The following NALF1 variants were observed in gnomAD, a reference collection of about 807,000 sequenced individuals.
The protein encoded by NALF1 is NALCN channel auxiliary factor 1.
In NALF1, 3 loss-of-function variants were observed where a neutral mutation model predicts 48.4. The ratio of observed to expected loss-of-function variants is 0.06; its 90% CI spans 0.03 to 0.16. The LOEUF is 0.16. Among genes scored for constraint, NALF1 ranks in the 10% least tolerant of loss-of-function variants. The pLI is 1.00. For synonymous variants in NALF1, 262 were observed against 245.7 expected, an observed-to-expected ratio of 1.07 and a Z score of -0.62; for missense variants, 526 against 571.5, an observed-to-expected ratio of 0.92 and a Z score of 0.81.
intron 1 of NALF1, among the ~76,000 whole-genome samples, chr13:107,361,924 A>G (rs1883068014): frequency 6.6e-6 from 1 of 152,180 alleles, no homozygotes; most frequent in Admixed American, 6.5e-5. Flanking sequence ...GGAGGCGTGA[A>G]GCATTTAAAA....
At chr13:107,196,674 A>T (rs1879399330) in intron 2 of NALF1, among the ~76,000 whole-genome samples, 1 of 152,158 alleles carries the variant, frequency 6.6e-6, no homozygotes, top group African/African-American at 2.4e-5. Context: ...ATGATAAAAC[A>T]GTGGTCTCCA....
chr13:107,517,052 A>G (rs1157523943), intron 1 of NALF1, among the ~76,000 whole-genome samples: 1 of 152,078 alleles, frequency 6.6e-6, no homozygotes, highest in Non-Finnish European at 1.5e-5. Flanking sequence ...GGTCCTTACT[A>G]TTTGTATATT....
intron 1 of NALF1, among the ~76,000 whole-genome samples, chr13:107,404,613 G>A (rs529972959): frequency 6.6e-6 from 1 of 152,036 alleles, no homozygotes; most frequent in South Asian, 2.1e-4. Flanking sequence ...AATACACAGA[G>A]ATGTCAGAGA....
chr13:107,735,051 T>G (rs1195021623), intron 1 of NALF1, among the ~76,000 whole-genome samples: 1 of 152,090 alleles, frequency 6.6e-6, no homozygotes. Flanking sequence ...AGAGCCTGCC[T>G]TCCCACCAAG....
At chr13:107,389,751 T>C (rs770584141) in intron 1 of NALF1, among the ~76,000 whole-genome samples, 1 of 152,156 alleles carries the variant, frequency 6.6e-6, no homozygotes, top group East Asian at 1.9e-4. Flanking sequence ...TCACTGAAGA[T>C]CCATTCTAAC....
At chr13:107,178,740 A>G (rs1227284660) in intron 2 of NALF1, among the ~76,000 whole-genome samples, 2 of 152,120 alleles carry the variant, frequency 1.3e-5, no homozygotes, top group East Asian at 3.9e-4. Context: ...TCAGGAGATC[A>G]AGACCATTCT....
rs752320518 is a variant in NALF1 at position 107,325,887 on chromosome 13, T to TATATAC, written c.916-115133_916-115132insGTATAT. 2.6e-3 allele frequency among the ~76,000 whole-genome samples: 155 copies of TATATAC among 58,810 alleles called. 1 individual carries two copies. The highest frequency in any genetic ancestry group is 6.0e-3 in the African/African-American group (113 of 18,966). 38.6% of individuals were successfully genotyped at this position (58,810 alleles called of 152,430 possible). On this transcript the variant is annotated intron_variant, in intron 1 of 2. Transcript: ENST00000375915. ...ATATATATATATATATATATATATA[T>TATATAC]ACACACACACACACACACACATATA... is the stretch of plus-strand genomic sequence containing the variant.
intron 1 of NALF1, among the ~76,000 whole-genome samples, chr13:107,483,313 T>C (rs2139062906): frequency 6.6e-6 from 1 of 152,328 alleles, no homozygotes; most frequent in East Asian, 1.9e-4. Context: ...CCTCATGTCT[T>C]ATATCTGAAA....
chr13:107,225,894 A>G (rs1880093322), intron 1 of NALF1, among the ~76,000 whole-genome samples: 1 of 152,066 alleles, frequency 6.6e-6, no homozygotes, highest in East Asian at 1.9e-4. Context: ...TTAGCTTATC[A>G]AGGAATGAAA....
chr13:107,675,885 A>G (rs1247143676), intron 1 of NALF1, among the ~76,000 whole-genome samples: 2 of 152,152 alleles, frequency 1.3e-5, no homozygotes, highest in East Asian at 1.9e-4. Context: ...CTTGGCTCCA[A>G]TTGAAGGTAT....
intron 1 of NALF1, among the ~76,000 whole-genome samples, chr13:107,643,006 G>A (rs1880202388): frequency 6.6e-6 from 1 of 152,028 alleles, no homozygotes; most frequent in Admixed American, 6.5e-5. Context: ...CACATATCAT[G>A]GAATAAGACA....
intron 1 of NALF1, among the ~76,000 whole-genome samples, chr13:107,637,965 T>C (rs1880031099): frequency 6.6e-6 from 1 of 151,792 alleles, no homozygotes; most frequent in Admixed American, 6.6e-5. Context: ...AACGTCACCA[T>C]GGTGAGTGCA....
intron 1 of NALF1, among the ~76,000 whole-genome samples, chr13:107,729,641 T>G (rs1876253572): frequency 6.6e-6 from 1 of 152,088 alleles, no homozygotes; most frequent in Non-Finnish European, 1.5e-5. Context: ...CACGCCCAGC[T>G]AATTTTTTTG....
intron 1 of NALF1, among the ~76,000 whole-genome samples, chr13:107,607,916 C>T (rs1879116182): frequency 6.6e-6 from 1 of 152,148 alleles, no homozygotes. Context: ...CCCTAATCTT[C>T]CTCTACAGAA....
chr13:107,511,391 G>A (rs1265045353), intron 1 of NALF1, among the ~76,000 whole-genome samples: 1 of 152,136 alleles, frequency 6.6e-6, no homozygotes, highest in Non-Finnish European at 1.5e-5. Flanking sequence ...CAGACGTTTG[G>A]TGGAAGGGGT....
At chr13:107,859,543 T>A (rs1051294671) in intron 1 of NALF1, among the ~76,000 whole-genome samples, 1 of 152,180 alleles carries the variant, frequency 6.6e-6, no homozygotes, top group Non-Finnish European at 1.5e-5. Context: ...ACAATACAAC[T>A]GTAAGTCATT....
At chr13:107,332,518 G>A (rs1882488093) in intron 1 of NALF1, among the ~76,000 whole-genome samples, 1 of 152,184 alleles carries the variant, frequency 6.6e-6, no homozygotes, top group African/African-American at 2.4e-5. Context: ...CAGTCTCTAC[G>A]CATGGCCCCT....
intron 1 of NALF1, among the ~76,000 whole-genome samples, chr13:107,714,597 C>T (rs1169542084): frequency 7.6e-6 from 1 of 131,712 alleles, no homozygotes; most frequent in Non-Finnish European, 1.6e-5. Context: ...CCACCGCACT[C>T]TAGCCTGGGT....
intron 1 of NALF1, among the ~76,000 whole-genome samples, chr13:107,456,175 G>C (rs1884822013): frequency 1.3e-5 from 2 of 152,102 alleles, no homozygotes; most frequent in Non-Finnish European, 2.9e-5. Context: ...AAAGCAACCT[G>C]AGTGGGAATT....
Sources: allele counts gnomAD v4.1 joint callset (sites outside exome capture counted in the v4.1 genomes callset), GRCh38; gene constraint gnomAD v4.1.1; transcripts MANE v1.5; gene names NCBI Gene and HGNC (gene_info 2026-07-23, HGNC 2026-07-21).